The following SEMA6D variants were observed in gnomAD, a reference collection of about 807,000 sequenced individuals.
The protein encoded by SEMA6D is semaphorin 6D, also known as semaphorin-6D.
Under a neutral mutation model 106.6 loss-of-function variants are expected in SEMA6D, and 35 were observed. The observed-to-expected ratio is 0.33, with a 90% CI of 0.25 to 0.44. The LOEUF (loss-of-function observed/expected upper bound fraction) is 0.44. Among genes scored for constraint, SEMA6D ranks in the 20% least tolerant of loss-of-function variants. The pLI is 1.00. For missense variants in SEMA6D, 1,185 were observed against 1,345.9 expected (o/e 0.88, Z 1.87); for synonymous variants, 499 against 487.7 (o/e 1.02, Z -0.31).
chr15:47,506,109 T>C (rs958642929), intron 3 of SEMA6D, among the ~76,000 whole-genome samples: 2 of 152,160 alleles, frequency 1.3e-5, no homozygotes. Context: ...ACCCCTCTTC[T>C]CATTGCTTCC....
At chr15:47,624,154 A>T (rs942184969) in intron 4 of SEMA6D, among the ~76,000 whole-genome samples, 1 of 152,144 alleles carries the variant, frequency 6.6e-6, no homozygotes, top group Non-Finnish European at 1.5e-5. Context: ...AACGTTCTTC[A>T]TGCCCTTTTT....
intron 3 of SEMA6D, among the ~76,000 whole-genome samples, chr15:47,492,353 G>A (rs920577596): frequency 2.0e-5 from 3 of 152,108 alleles, no homozygotes; most frequent in African/African-American, 7.2e-5. Context: ...GGCAAAGGGA[G>A]CAAAACTGAA....
intron 4 of SEMA6D, among the ~76,000 whole-genome samples, chr15:47,690,243 C>G (rs2078556975): frequency 6.6e-6 from 1 of 152,166 alleles, no homozygotes; most frequent in Admixed American, 6.5e-5. Context: ...TCATTGTACT[C>G]AGAGGCTGGC....
At chr15:47,568,220 C>T (rs192430811) in intron 3 of SEMA6D, among the ~76,000 whole-genome samples, 1 of 149,252 alleles carries the variant, frequency 6.7e-6, no homozygotes, top group East Asian at 2.0e-4. Flanking sequence ...ACAAAAACCG[C>T]AATTACTTTT....
chr15:47,366,228 A>G (rs1429664481), intron 1 of SEMA6D, among the ~76,000 whole-genome samples: 1 of 152,220 alleles, frequency 6.6e-6, no homozygotes, highest in Non-Finnish European at 1.5e-5. Context: ...CTATTGGTAA[A>G]TATCTTATTG....
intron 3 of SEMA6D, among the ~76,000 whole-genome samples, chr15:47,558,552 A>C (rs2045981910): frequency 6.6e-6 from 1 of 152,008 alleles, no homozygotes; most frequent in African/African-American, 2.4e-5. Context: ...AGACTTGCAC[A>C]GGGTGAAGAG....
Position 47,763,869 on chromosome 15 carries a change from C to T in SEMA6D, c.767C>T (p.Ala256Val), listed in dbSNP as rs754476875. 2.3e-5 allele frequency: 37 copies of T among 1,613,142 alleles called. No individual in the cohort carries two copies. The highest frequency in any genetic ancestry group is 1.8e-4 in the Middle Eastern group (1 of 5,502). Reference protein sequence around the residue: ...NLGKAVYSRVARICKNDMGGS... With the variant: ...NLGKAVYSRVVRICKNDMGGS... Reference sequence around the variant, plus strand: ...GGGCAGGCTGTGTATTCCCGCGTGGCCCGCATATGTAAAAACGACATGGGT... The same window carrying T: ...GGGCAGGCTGTGTATTCCCGCGTGGTCCGCATATGTAAAAACGACATGGGT... The change falls in exon 10 of 19, where the codon GCC becomes GTC. Residue 256 changes from alanine to valine, a missense_variant. By Grantham distance (64) the Ala-to-Val change is moderately conservative. Transcript: ENST00000536845.
At chr15:47,660,261 C>T (rs1160644948) in intron 4 of SEMA6D, among the ~76,000 whole-genome samples, 4 of 151,466 alleles carry the variant, frequency 2.6e-5, no homozygotes, top group African/African-American at 4.8e-5. Flanking sequence ...TGGAAGGGAC[C>T]GTAAGATATT....
intron 3 of SEMA6D, among the ~76,000 whole-genome samples, chr15:47,480,863 G>A (rs373568922): frequency 5.3e-5 from 8 of 152,090 alleles, no homozygotes; most frequent in African/African-American, 9.7e-5. Context: ...TGGTGAACTC[G>A]TATTTAAATC....
chr15:47,354,499 A>T (rs2038480863), intron 1 of SEMA6D, among the ~76,000 whole-genome samples: 1 of 146,582 alleles, frequency 6.8e-6, no homozygotes, highest in African/African-American at 2.5e-5. Flanking sequence ...GAACTAAGTT[A>T]TATATATATA....
chr15:47,510,646 A>G (rs1322735379), intron 3 of SEMA6D, among the ~76,000 whole-genome samples: 1 of 152,252 alleles, frequency 6.6e-6, no homozygotes, highest in Non-Finnish European at 1.5e-5. Context: ...TAAGACGGCC[A>G]GAATGCACAG....
chr15:47,248,228 T>C (rs1395955382), intron 1 of SEMA6D, among the ~76,000 whole-genome samples: 4 of 152,204 alleles, frequency 2.6e-5, no homozygotes, highest in Non-Finnish European at 4.4e-5. Flanking sequence ...GTTCCCCATA[T>C]TCTAAGCTTT....
At chr15:47,673,174 G>C (rs1356823952) in intron 4 of SEMA6D, among the ~76,000 whole-genome samples, 1 of 151,936 alleles carries the variant, frequency 6.6e-6, no homozygotes, top group Non-Finnish European at 1.5e-5. Context: ...TCCTTGCAAA[G>C]GGAAAAAAGA....
chr15:47,197,870 A>G (rs188125784), intron 1 of SEMA6D, among the ~76,000 whole-genome samples: 25 of 152,196 alleles, frequency 1.6e-4, no homozygotes, highest in African/African-American at 5.3e-4. Flanking sequence ...TTTTTTTACT[A>G]ATTTTTCAAA....
intron 1 of SEMA6D, among the ~76,000 whole-genome samples, chr15:47,343,691 A>G (rs970949427): frequency 2.0e-5 from 3 of 152,104 alleles, no homozygotes; most frequent in Non-Finnish European, 2.9e-5. Flanking sequence ...AGTCTTTGCT[A>G]TTGTGAATAG....
chr15:47,738,646 G>C (rs1482203574), intron 1 of SEMA6D, among the ~76,000 whole-genome samples: 1 of 152,194 alleles, frequency 6.6e-6, no homozygotes, highest in Non-Finnish European at 1.5e-5. Context: ...GGACTGACAG[G>C]AAAGAGCAGA....
At chr15:47,481,785 T>C (rs1172224923) in intron 3 of SEMA6D, among the ~76,000 whole-genome samples, 1 of 152,186 alleles carries the variant, frequency 6.6e-6, no homozygotes, top group Middle Eastern at 3.2e-3. Flanking sequence ...ATGCATGTCA[T>C]GTATAATTCA....
intron 1 of SEMA6D, among the ~76,000 whole-genome samples, chr15:47,349,712 A>G (rs543198243): frequency 6.8e-6 from 1 of 146,236 alleles, no homozygotes; most frequent in South Asian, 2.3e-4. Context: ...ATGGATCTAG[A>G]GATAAAGCCT....
chr15:47,233,714 A>G (rs1004712057), intron 1 of SEMA6D, among the ~76,000 whole-genome samples: 4 of 151,822 alleles, frequency 2.6e-5, no homozygotes, highest in African/African-American at 7.3e-5. Context: ...TTCTTTTCAC[A>G]TAGTTTGTTG....
Sources: allele counts gnomAD v4.1 joint callset (sites outside exome capture counted in the v4.1 genomes callset), GRCh38; gene constraint gnomAD v4.1.1; transcripts MANE v1.5; gene names NCBI Gene and HGNC (gene_info 2026-07-23, HGNC 2026-07-21).